The following CDKL5 variants were observed in gnomAD, a reference collection of about 807,000 sequenced individuals.
CDKL5 encodes cyclin-dependent kinase-like 5.
Under a neutral mutation model 61.7 loss-of-function variants are expected in CDKL5, and 8 were observed. The ratio of observed to expected loss-of-function variants is 0.13; its 90% confidence interval spans 0.08 to 0.23. CDKL5 has a LOEUF of 0.23. Among genes scored for constraint, CDKL5 ranks in the 10% least tolerant of loss-of-function variants. The pLI is 1.00. For missense variants in CDKL5, 440 were observed against 734.5 expected (o/e 0.60, Z 4.63); for synonymous variants, 275 against 272.3 (o/e 1.01, Z -0.10).
intron 3 of CDKL5, among the ~76,000 whole-genome samples, chrX:18,544,751 T>C (rs953385206): frequency 8.9e-6 from 1 of 112,837 alleles, no homozygotes; most frequent in Non-Finnish European, 1.9e-5. Flanking sequence ...TAAATGTTAC[T>C]AAAGTACGTT....
chrX:18,580,708 A>G (rs1288048431), intron 6 of CDKL5, among the ~76,000 whole-genome samples: 1 of 111,647 alleles, frequency 9.0e-6, no homozygotes, highest in Non-Finnish European at 1.9e-5. Context: ...TACAACAATG[A>G]CCCTAAATAT....
At position 18,609,529 on chromosome X, in the gene CDKL5, A is replaced by G; in HGVS notation, c.2111A>G (p.Tyr704Cys). 8.3e-7 allele frequency: 1 copy of G among 1,212,004 alleles called. No homozygotes were observed. Among genetic ancestry groups the G allele is most frequent in the African/African-American group, 1.7e-5 (1 of 57,922 alleles). The stretch of plus-strand genomic sequence containing the variant: ...GCCCCCAAAGAAAATAGACACCTAT[A>G]CAATGATCCTGTGCCAAGGAGAGTT... ...GTAPKENRHL[Y>C]NDPVPRRVGS... is the part of the protein sequence containing the mutation. Residue 704 changes from tyrosine (Y) to cysteine (C), a missense_variant, in exon 14 of 18, where the codon TAC becomes TGC. Around this residue, in one of 2 missense-constraint regions of CDKL5, gnomAD observed 363 missense variants for 516.3 expected, o/e 0.70. Transcript: ENST00000623535.
chrX:18,496,751 G>A (rs1006183484), intron 1 of CDKL5, among the ~76,000 whole-genome samples: 2 of 111,750 alleles, frequency 1.8e-5, no homozygotes, highest in African/African-American at 6.5e-5. Flanking sequence ...TCTCTGATGA[G>A]GCTTTATGGT....
At position 18,604,556 on chromosome X, in the gene CDKL5, T is replaced by A. The variant is rs774046085; in HGVS notation, c.1632T>A (p.Pro544=). The A allele has an allele frequency of 7.4e-6, 9 of 1,211,650 alleles. 1 individual carries two copies. The East Asian group carries it at 2.7e-4, about 36-fold the overall frequency. The change falls in exon 12 of 18, where the codon CCT becomes CCA. Residue 544 remains proline (P), a synonymous_variant. Transcript: ENST00000623535. The part of the protein sequence containing the change: ...RHSDTRTLLS[P]SGRNNRNEGT... ...GTGACACGAGAACTTTGCTCAGCCC[T>A]TCTGGAAGAAATAACCGAAATGAGG...
At chrX:18,436,491 C>T (rs1048256350) in intron 1 of CDKL5, among the ~76,000 whole-genome samples, 6 of 110,967 alleles carry the variant, frequency 5.4e-5, no homozygotes, top group Admixed American at 9.7e-5. Context: ...AAGTGAGACC[C>T]GAAGAATGAG....
At position 18,630,219 on chromosome X, in the gene CDKL5, A is replaced by G. The variant is rs1370775482; in HGVS notation, c.*1462A>G. ...CACAACCCCCATCAGAACAGGACCT[A>G]TCTTCCCCTCATCTGATCTCTTTCA... On this transcript the variant is annotated 3_prime_UTR_variant, in exon 18 of 18. Coordinates refer to ENST00000623535, the MANE Select transcript of CDKL5 (RefSeq NM_001323289.2). 1.3e-6 allele frequency: 1 copy of G among 753,494 alleles called. No homozygotes were observed. The allele number at this position is 753,494 out of a possible 1,213,427, so 62.1% of individuals were successfully genotyped here. A position where few individuals can be genotyped will look rare whatever the true frequency, so the allele number is the denominator to read the frequency against.
intron 1 of CDKL5, among the ~76,000 whole-genome samples, chrX:18,428,521 C>CT (rs764954366): frequency 1.8e-5 from 2 of 111,293 alleles, no homozygotes; most frequent in African/African-American, 3.3e-5. Flanking sequence ...GGGAATATGA[C>CT]TTTTTTATGT....
chrX:18,441,157 T>C (rs1737269886), intron 1 of CDKL5, among the ~76,000 whole-genome samples: 1 of 111,527 alleles, frequency 9.0e-6, no homozygotes, highest in African/African-American at 3.3e-5. Flanking sequence ...GGCTCACTCC[T>C]GTAATCCTAG....
chrX:18,520,392 C>T (rs762739591), intron 3 of CDKL5, among the ~76,000 whole-genome samples: 11 of 112,273 alleles, frequency 9.8e-5, no homozygotes, highest in Admixed American at 3.8e-4. Flanking sequence ...AGTTTATCCA[C>T]GTTGTAGCAT....
intron 1 of CDKL5, among the ~76,000 whole-genome samples, chrX:18,505,815 A>G (rs1922558468): frequency 8.9e-6 from 1 of 112,733 alleles, no homozygotes; most frequent in African/African-American, 3.2e-5. Context: ...TGTAATTAAT[A>G]GGTATCTTGT....
chrX:18,649,195 A>G (rs1927924078), intron 20 of CDKL5, among the ~76,000 whole-genome samples: 1 of 111,258 alleles, frequency 9.0e-6, no homozygotes, highest in African/African-American at 3.3e-5. Context: ...AACCAAACCC[A>G]GTTCCTAACT....
At chrX:18,527,901 T>G (rs1178842415) in intron 3 of CDKL5, among the ~76,000 whole-genome samples, 1 of 112,081 alleles carries the variant, frequency 8.9e-6, no homozygotes, top group African/African-American at 3.2e-5. Flanking sequence ...CTTGTATTTT[T>G]ATTTAGTCCA....
chrX:18,564,925 A>G (rs1924918878), intron 4 of CDKL5, among the ~76,000 whole-genome samples: 1 of 111,902 alleles, frequency 8.9e-6, no homozygotes, highest in African/African-American at 3.2e-5. Context: ...GAAAGATTTC[A>G]GTATTGGTTA....
At chrX:18,613,775 T>G (rs1926637683) in intron 15 of CDKL5, among the ~76,000 whole-genome samples, 1 of 111,776 alleles carries the variant, frequency 8.9e-6, no homozygotes, top group Admixed American at 9.5e-5. Context: ...CTCATGGTTG[T>G]TACCTCTGTG....
chrX:18,648,426 G>C (rs893748052), intron 20 of CDKL5, among the ~76,000 whole-genome samples: 17 of 109,887 alleles, frequency 1.5e-4, no homozygotes, highest in Non-Finnish European at 3.0e-4. Flanking sequence ...ATTTTTTGTA[G>C]AGACAGGATT....
At chrX:18,494,548 C>G (rs1246396657) in intron 1 of CDKL5, among the ~76,000 whole-genome samples, 1 of 112,402 alleles carries the variant, frequency 8.9e-6, no homozygotes, top group East Asian at 2.8e-4. Flanking sequence ...CGTTAGCCAC[C>G]CAGCCCAGCC....
chrX:18,640,436 C>A (rs1927528912), downstream of CDKL5: 2 of 44,667 alleles, frequency 4.5e-5, no homozygotes, highest in Non-Finnish European at 7.4e-5. Flanking sequence ...GTCCCCCCAC[C>A]CCCCCCCCCC....
chrX:18,497,342 G>A (rs1206421129), intron 1 of CDKL5: 1 of 111,124 alleles, frequency 9.0e-6, no homozygotes, highest in African/African-American at 3.3e-5. Flanking sequence ...AAACTCACCT[G>A]GTTTCCTTAC....
intron 1 of CDKL5, among the ~76,000 whole-genome samples, chrX:18,473,797 A>G (rs932243500): frequency 8.5e-5 from 9 of 105,753 alleles, no homozygotes; most frequent in Non-Finnish European, 1.4e-4. Flanking sequence ...ACTGCAACCT[A>G]TGCCTCCCGG....
Sources: gnomAD v4.1 joint callset for allele counts (sites outside exome capture counted in the v4.1 genomes callset) on GRCh38, gnomAD v4.1.1 for gene constraint, gnomAD v4.1.1 regional missense constraint, MANE v1.5 for transcripts, NCBI Gene and HGNC (gene_info 2026-07-23, HGNC 2026-07-21) for gene names.